Variants in KLHL28 observed in about 807,000 individuals in gnomAD.
The protein encoded by KLHL28 is kelch like family member 28.
Under a neutral mutation model 48.3 loss-of-function variants are expected in KLHL28, and 22 were observed. The ratio of observed to expected loss-of-function variants is 0.46; its 90% CI spans 0.33 to 0.65. KLHL28 has a LOEUF of 0.65. KLHL28 is among the 30% of genes least tolerant of loss of function. The pLI is 0.03. For missense variants in KLHL28, 527 were observed against 704.3 expected (o/e 0.75, Z 2.85); for synonymous variants, 243 against 242.4 (o/e 1.00, Z -0.02).
Position 44,931,472 on chromosome 14 carries a change from G to A in KLHL28, c.1413C>T (p.His471=), listed in dbSNP as rs1164240929. ...MVASMADKRI[H]FGVGVMLGFI... The stretch of plus-strand genomic sequence containing the variant: ...AGCCTAGCATGACACCCACGCCAAA[G>A]TGAATCCTTTTATCTGCCATGGATG... Residue 471 remains histidine (H), a synonymous_variant, in exon 4 of 5, where the codon CAC becomes CAT. Coordinates refer to ENST00000396128, the MANE Select transcript of KLHL28 (RefSeq NM_017658.5). 1 of 1,613,944 alleles carries A rather than the reference G, an allele frequency of 6.2e-7. No individual in the cohort carries two copies. The highest frequency in any genetic ancestry group is 1.1e-5 in the South Asian group (1 of 91,080).
chr14:44,961,696 T>C (rs1885114977), intron 1 of KLHL28, 150 bp downstream of exon 1: 2 of 151,954 alleles, frequency 1.3e-5, no homozygotes, highest in South Asian at 4.1e-4. Flanking sequence ...GAGTAACGCG[T>C]TTACAAGGGT....
At chr14:44,950,648 T>G (rs964811951) in intron 1 of KLHL28, among the ~76,000 whole-genome samples, 2 of 152,198 alleles carry the variant, frequency 1.3e-5, no homozygotes, top group Non-Finnish European at 2.9e-5. Flanking sequence ...TACAATACAA[T>G]GGTCTGTATT....
At chr14:44,944,397 T>C (rs1361607341) in intron 2 of KLHL28, among the ~76,000 whole-genome samples, 1 of 152,230 alleles carries the variant, frequency 6.6e-6, no homozygotes, top group East Asian at 1.9e-4. Context: ...AAAGATTACA[T>C]GGCTCACAAA....
intron 1 of KLHL28, chr14:44,959,504 T>A (rs1208626670): frequency 9.9e-5 from 15 of 152,132 alleles, no homozygotes; most frequent in Admixed American, 5.9e-4. Flanking sequence ...ACGTTCAATA[T>A]TCCTGGATGT....
At chr14:44,958,610 T>A (rs973234464) in intron 1 of KLHL28, among the ~76,000 whole-genome samples, 1 of 152,108 alleles carries the variant, frequency 6.6e-6, no homozygotes, top group Non-Finnish European at 1.5e-5. Context: ...GAGATTTGAC[T>A]TTTATTGACA....
chr14:44,952,416 T>C (rs1884622291), intron 1 of KLHL28, among the ~76,000 whole-genome samples: 1 of 152,204 alleles, frequency 6.6e-6, no homozygotes, highest in Non-Finnish European at 1.5e-5. Context: ...AACTGTGTTT[T>C]AAGTCCTCCA....
At chr14:44,951,333 T>C (rs776999566) in intron 1 of KLHL28, among the ~76,000 whole-genome samples, 16 of 152,326 alleles carry the variant, frequency 1.1e-4, no homozygotes, top group Non-Finnish European at 2.1e-4. Context: ...TCACAAGGTG[T>C]GTCAAGCCAC....
In KLHL28 at chr14:44,945,174, T is replaced by C. The variant is rs781108483; in HGVS notation, c.755A>G (p.His252Arg). 1 of 1,614,196 alleles carries C rather than the reference T, an allele frequency of 6.2e-7. No individual in the cohort carries two copies. Among genetic ancestry groups the C allele is most frequent in the South Asian group, 1.1e-5 (1 of 91,088 alleles). Reference protein sequence around the residue: ...HLIRDDRTCKHLLNEALKYHF... With the variant: ...HLIRDDRTCKRLLNEALKYHF... ...GTACTTTAGGGCTTCATTCAAAAGA[T>C]GTTTACAAGTGCGATCATCACGAAT... The change falls in exon 2 of 5, where the codon CAT becomes CGT. Residue 252 changes from histidine to arginine, a missense_variant. His to Arg is a conservative substitution (Grantham distance 29). Transcript: ENST00000396128.
At chr14:44,955,625 C>A (rs1487561571) in intron 1 of KLHL28, among the ~76,000 whole-genome samples, 1 of 151,980 alleles carries the variant, frequency 6.6e-6, no homozygotes, top group Non-Finnish European at 1.5e-5. Context: ...AGAAAAAAAA[C>A]AAATAAAAAA....
rs761893347 is a variant in KLHL28, at chr14:44,934,260, A to C, written c.1198T>G (p.Leu400Val). The part of the protein sequence containing the change: ...ALGGYDGQSY[L>V]QSVEKYIPKI... The stretch of plus-strand genomic sequence containing the variant: ...GGAATGTACTTCTCTACAGATTGTA[A>C]ATAAGATTGTCCATCATAACCACCT... The change falls in exon 3 of 5, where the codon TTA becomes GTA. Residue 400 changes from leucine (L) to valine (V), a missense_variant. Coordinates refer to ENST00000396128, the MANE Select transcript of KLHL28 (RefSeq NM_017658.5). 1 of 1,614,162 alleles carries C rather than the reference A, an allele frequency of 6.2e-7. No homozygotes were observed. The highest frequency in any genetic ancestry group is 8.5e-7 in the Non-Finnish European group (1 of 1,180,018).
At chr14:44,957,246 T>C (rs969828079) in intron 1 of KLHL28, among the ~76,000 whole-genome samples, 5 of 152,242 alleles carry the variant, frequency 3.3e-5, no homozygotes, top group African/African-American at 4.8e-5. Flanking sequence ...AGATGCGTGA[T>C]AGGTAAATAG....
chr14:44,948,137 A>G (rs1884415440), intron 1 of KLHL28, among the ~76,000 whole-genome samples: 1 of 152,190 alleles, frequency 6.6e-6, no homozygotes, highest in African/African-American at 2.4e-5. Context: ...AGTAGATAGA[A>G]AAAATAGGTA....
In KLHL28 at chr14:44,947,828, T is replaced by A. The variant is rs370595434; in HGVS notation, c.1-1900A>T. Reference sequence around the variant, plus strand: ...CTTTCCAGCTGGTAACAGCCTCCACTGCTGATCTCTGCAAATAATCTCACA... The same window carrying A: ...CTTTCCAGCTGGTAACAGCCTCCACAGCTGATCTCTGCAAATAATCTCACA... On this transcript the variant is annotated intron_variant, in intron 1 of 4. Coordinates refer to ENST00000396128, the MANE Select transcript of KLHL28 (RefSeq NM_017658.5). Among the ~76,000 whole-genome samples the A allele has an allele frequency of 1.7e-3, 265 of 152,340 alleles. 10 individuals are homozygous for A. In the South Asian group the frequency reaches 0.052, roughly 30 times the overall value.
chr14:44,948,431 T>C (rs1475289376), intron 1 of KLHL28, among the ~76,000 whole-genome samples: 1 of 152,122 alleles, frequency 6.6e-6, no homozygotes, highest in Non-Finnish European at 1.5e-5. Flanking sequence ...CCCATCTGAA[T>C]CTTAAATTAT....
At chr14:44,946,479 G>A (rs866063044) in intron 1 of KLHL28, among the ~76,000 whole-genome samples, 8 of 150,164 alleles carry the variant, frequency 5.3e-5, no homozygotes, top group African/African-American at 2.0e-4. Context: ...AATTAATTAT[G>A]AACAGAATCC....
In KLHL28 at chr14:44,934,312, T is replaced by A. The variant is rs199867476; in HGVS notation, c.1146A>T (p.Val382=). The A allele has an allele frequency of 6.2e-7, 1 of 1,614,134 alleles. No individual in the cohort carries two copies. The highest frequency in any genetic ancestry group is 8.5e-7 in the Non-Finnish European group (1 of 1,179,958). ...AGGCATAAAGTTCTCCTGCAAGTAC[T>A]ACTACTCCAAGAGTACTTCGGCTTT... ...MNESRSTLGV[V]VLAGELYALG... The change falls in exon 3 of 5, where the codon GTA becomes GTT. Residue 382 remains valine (V), a synonymous_variant. Coordinates refer to ENST00000396128, the MANE Select transcript of KLHL28 (RefSeq NM_017658.5).
chr14:44,941,128 A>G (rs1257060671), intron 2 of KLHL28, among the ~76,000 whole-genome samples: 1 of 152,004 alleles, frequency 6.6e-6, no homozygotes, highest in Non-Finnish European at 1.5e-5. Flanking sequence ...CTCCAAATAA[A>G]CAAAAAAAAA....
chr14:44,937,710 A>G (rs879817625), intron 2 of KLHL28, among the ~76,000 whole-genome samples: 3 of 152,200 alleles, frequency 2.0e-5, no homozygotes, highest in Non-Finnish European at 2.9e-5. Flanking sequence ...ACAGGAGTTT[A>G]TTTGGCTCAA....
At chr14:44,931,608 T>A in intron 3 of KLHL28, 67 bp from the exon 4 acceptor site, 1 of 1,154,626 alleles carries the variant, frequency 8.7e-7, no homozygotes, top group Non-Finnish European at 1.3e-6. Context: ...AAAGCAAAAC[T>A]AAAACCCACT....
Sources: allele counts gnomAD v4.1 joint callset (sites outside exome capture counted in the v4.1 genomes callset), GRCh38; gene constraint gnomAD v4.1.1; transcripts MANE v1.5; gene names NCBI Gene and HGNC (gene_info 2026-07-23, HGNC 2026-07-21).